The following CARHSP1 variants were observed in gnomAD, a reference collection of about 807,000 sequenced individuals.
CARHSP1 encodes calcium regulated heat stable protein 1, also known as calcium-regulated heat-stable protein 1.
A neutral mutation model predicts 12.5 loss-of-function variants in CARHSP1; 14 were observed. That is an observed-to-expected ratio of 1.12 (90% CI 0.74 to 1.75). The LOEUF is 1.75. Among genes scored for constraint, CARHSP1 ranks in the 40% most tolerant of loss-of-function variants. The pLI, the probability that CARHSP1 is intolerant of heterozygous loss-of-function variation, is 0.00. For synonymous variants in CARHSP1, 161 were observed against 82.0 expected (o/e 1.96, Z -5.20); for missense variants, 343 against 201.6 (o/e 1.70, Z -4.25).
In CARHSP1 at chr16:8,855,897, A is replaced by C. The variant is rs373735129; in HGVS notation, c.282-571T>G. The stretch of plus-strand genomic sequence containing the variant: ...GAGTGCAGTGGTGTGATCTCAGCTT[A>C]CTGCATCCACCTCCCGAGTTCAAGT... On this transcript the variant is annotated intron_variant, in intron 3 of 3. Coordinates refer to ENST00000311052, the MANE Select transcript of CARHSP1 (RefSeq NM_014316.4). Among the ~76,000 whole-genome samples the C allele has an allele frequency of 2.4e-4, 37 of 152,230 alleles. No homozygotes were observed. The East Asian group carries it at 6.6e-3, about 27-fold the overall frequency.
At chr16:8,863,205 T>G (rs920681022) in intron 1 of CARHSP1, among the ~76,000 whole-genome samples, 1 of 140,272 alleles carries the variant, frequency 7.1e-6, no homozygotes. Context: ...CTGAAGCCTC[T>G]CAACCTCCTG....
chr16:8,862,438 C>T (rs934172829), intron 1 of CARHSP1, among the ~76,000 whole-genome samples: 3 of 152,116 alleles, frequency 2.0e-5, no homozygotes, highest in Non-Finnish European at 4.4e-5. Context: ...TGCCCAATAC[C>T]GAGCCCTGTT....
intron 1 of CARHSP1, chr16:8,866,508 T>C: frequency 3.1e-6 from 3 of 982,200 alleles, no homozygotes; most frequent in Non-Finnish European, 3.6e-6. Context: ...AGCCCCAGCC[T>C]GGGAGAACTG....
chr16:8,866,645 C>T (rs1040809163), intron 1 of CARHSP1, among the ~76,000 whole-genome samples: 7 of 151,978 alleles, frequency 4.6e-5, no homozygotes, highest in Non-Finnish European at 8.8e-5. Context: ...GCCACATTCC[C>T]CTCCATTGTT....
At chr16:8,866,672 G>T (rs1355711200) in intron 1 of CARHSP1, among the ~76,000 whole-genome samples, 1 of 151,644 alleles carries the variant, frequency 6.6e-6, no homozygotes, top group African/African-American at 2.4e-5. Context: ...AGAGCGGGGG[G>T]TCTGGCGAGG....
intron 1 of CARHSP1, among the ~76,000 whole-genome samples, chr16:8,863,473 G>C (rs1274279375): frequency 6.6e-6 from 1 of 152,186 alleles, no homozygotes; most frequent in Admixed American, 6.5e-5. Flanking sequence ...CCACTGCATT[G>C]GTGTGCACTC....
At chr16:8,856,474 C>T (rs533421311) in intron 3 of CARHSP1, among the ~76,000 whole-genome samples, 4 of 152,022 alleles carry the variant, frequency 2.6e-5, no homozygotes, top group Admixed American at 1.3e-4. Flanking sequence ...TATTTCTTTG[C>T]CCCAACCTCT....
At chr16:8,855,673 G>C (rs888659836) in intron 3 of CARHSP1, among the ~76,000 whole-genome samples, 1 of 132,166 alleles carries the variant, frequency 7.6e-6, no homozygotes. Context: ...CCAAGCCAGA[G>C]AGCCAGAGAG....
intron 1 of CARHSP1, among the ~76,000 whole-genome samples, chr16:8,863,038 T>G (rs2061394230): frequency 3.4e-5 from 5 of 148,904 alleles, no homozygotes. Flanking sequence ...GGCCCCTCTG[T>G]GTCCCAAGGG....
At chr16:8,859,138 T>G (rs1406810482) in intron 2 of CARHSP1, 33 bp downstream of exon 2, 2 of 1,549,348 alleles carry the variant, frequency 1.3e-6, no homozygotes, top group African/African-American at 2.7e-5. Flanking sequence ...GAGATCCATC[T>G]GAGAACGCGT....
chr16:8,853,408 C>G lies in CARHSP1; in HGVS notation c.*1756G>C, dbSNP rs909530470. 2 of 142,396 alleles carry G rather than the reference C, an allele frequency of 1.4e-5. No individual in the cohort carries two copies. The highest frequency in any genetic ancestry group is 5.4e-5 in the African/African-American group (2 of 37,166). The allele number at this position is 142,396 out of a possible 1,614,324, so 8.8% of individuals were successfully genotyped here. A position where few individuals can be genotyped will look rare whatever the true frequency, so the allele number is the denominator to read the frequency against. On this transcript the variant is annotated 3_prime_UTR_variant, in exon 4 of 4. Coordinates refer to ENST00000311052, the MANE Select transcript of CARHSP1 (RefSeq NM_014316.4). ...GAGGGTGAGGATGTACAAGGAGCAT[C>G]GCAGGCGAGGAAACAATGGCCAGGA...
chr16:8,862,694 C>G (rs1213064945), intron 1 of CARHSP1, among the ~76,000 whole-genome samples: 1 of 152,244 alleles, frequency 6.6e-6, no homozygotes, highest in Non-Finnish European at 1.5e-5. Context: ...TGCAAAGGCC[C>G]TGAGGGCCCG....
intron 3 of CARHSP1, among the ~76,000 whole-genome samples, chr16:8,855,633 G>A (rs556695438): frequency 3.3e-4 from 51 of 152,316 alleles, no homozygotes; most frequent in Non-Finnish European, 6.5e-4. Context: ...GGGAGCCTGG[G>A]CTTGTGACTG....
rs2061049125 is a variant in CARHSP1, at chr16:8,854,977, G to A, written c.*187C>T. 1 of 487,252 alleles carries A rather than the reference G, an allele frequency of 2.1e-6. No homozygotes were observed. Among genetic ancestry groups the A allele is most frequent in the Non-Finnish European group, 3.6e-6 (1 of 275,192 alleles). 30.2% of individuals were successfully genotyped at this position (487,252 alleles called of 1,614,324 possible). On this transcript the variant is annotated 3_prime_UTR_variant, in exon 4 of 4. Transcript: ENST00000311052. ...GGTTGTTGCAATGGTCATAGGCTGT[G>A]CTGATGGCCGGGAACACCCCACACC... is the stretch of plus-strand genomic sequence containing the variant.
At chr16:8,866,948 G>C (rs905974036) in intron 1 of CARHSP1, among the ~76,000 whole-genome samples, 1 of 152,142 alleles carries the variant, frequency 6.6e-6, no homozygotes, top group Non-Finnish European at 1.5e-5. Context: ...TGAGTGCTGG[G>C]AAGAGGCCGG....
At chr16:8,856,170 C>T (rs2061097954) in intron 3 of CARHSP1, among the ~76,000 whole-genome samples, 1 of 152,180 alleles carries the variant, frequency 6.6e-6, no homozygotes, top group Non-Finnish European at 1.5e-5. Context: ...AGGGGCCTCT[C>T]CCTGTGACCA....
intron 1 of CARHSP1, among the ~76,000 whole-genome samples, chr16:8,863,604 G>C (rs989314865): frequency 1.4e-4 from 22 of 152,206 alleles, no homozygotes; most frequent in African/African-American, 5.1e-4. Flanking sequence ...AGACCCAGGA[G>C]CTTTATCCAG....
At chr16:8,863,152 C>T (rs1192878250) in intron 1 of CARHSP1, among the ~76,000 whole-genome samples, 4 of 122,538 alleles carry the variant, frequency 3.3e-5, no homozygotes, top group Non-Finnish European at 6.5e-5. Flanking sequence ...TAGGATCTCA[C>T]TTGGTCACCT....
chr16:8,859,427 G>A (rs575541106), intron 1 of CARHSP1, 92 bp from the exon 2 acceptor site: 4 of 1,174,996 alleles, frequency 3.4e-6, no homozygotes, highest in South Asian at 2.8e-5. Context: ...TCCAGTATCT[G>A]AGGCTCATTC....
Sources: gnomAD v4.1 joint callset for allele counts (sites outside exome capture counted in the v4.1 genomes callset) on GRCh38, gnomAD v4.1.1 for gene constraint, MANE v1.5 for transcripts, NCBI Gene and HGNC (gene_info 2026-07-23, HGNC 2026-07-21) for gene names.